The following GYS2 variants were observed in gnomAD, a reference collection of about 807,000 sequenced individuals.
GYS2 encodes glycogen [starch] synthase, liver.
In GYS2, 80 loss-of-function variants were observed where a neutral mutation model predicts 85.6. The ratio of observed to expected loss-of-function variants is 0.93; its 90% CI spans 0.78 to 1.13. The LOEUF is 1.13. GYS2 is among the 50% of genes most tolerant of loss of function. GYS2 has a pLI of 0.00. For missense variants in GYS2, 881 were observed against 854.9 expected, an observed-to-expected ratio of 1.03 and a Z score of -0.38; for synonymous variants, 328 against 300.7, an observed-to-expected ratio of 1.09 and a Z score of -0.94.
chr12:21,537,477 T>C (rs1775519913), intron 15 of GYS2: 1 of 374,368 alleles, frequency 2.7e-6, no homozygotes, highest in African/African-American at 2.1e-5. Context: ...AAATGGAGGG[T>C]TAGAGGGGTC....
chr12:21,559,064 C>T (rs745561285), intron 10 of GYS2, 27 bp downstream of exon 10: 2 of 1,271,420 alleles, frequency 1.6e-6, no homozygotes, highest in East Asian at 4.7e-5. Context: ...AACTATGGGA[C>T]ATAGTGGGTG....
intron 1 of GYS2, among the ~76,000 whole-genome samples, chr12:21,603,744 A>G (rs1169448924): frequency 6.6e-6 from 1 of 152,138 alleles, no homozygotes; most frequent in Non-Finnish European, 1.5e-5. Context: ...CTTTTAAACT[A>G]GAGAGTATAA....
intron 11 of GYS2, among the ~76,000 whole-genome samples, chr12:21,556,151 A>G (rs1944176519): frequency 6.6e-6 from 1 of 151,328 alleles, no homozygotes; most frequent in South Asian, 2.1e-4. Flanking sequence ...ATTTTTCTCT[A>G]CTCATTCAAC....
chr12:21,540,346 C>G, intron 14 of GYS2, 64 bp downstream of exon 14: 1 of 1,263,628 alleles, frequency 7.9e-7, no homozygotes, highest in Admixed American at 1.7e-5. Context: ...TGACTAGAAT[C>G]AATATGTTTA....
intron 1 of GYS2, among the ~76,000 whole-genome samples, chr12:21,583,601 G>A: frequency 6.6e-6 from 1 of 152,168 alleles, no homozygotes; most frequent in East Asian, 1.9e-4. Flanking sequence ...GCATTTGGCA[G>A]GCTGAATCAC....
intron 1 of GYS2, among the ~76,000 whole-genome samples, chr12:21,594,525 G>A (rs1944674475): frequency 6.6e-6 from 1 of 151,716 alleles, no homozygotes; most frequent in South Asian, 2.1e-4. Flanking sequence ...AAATATTTAG[G>A]GATAAATTTA....
chr12:21,561,713 T>G lies in GYS2; in HGVS notation c.1062+1205A>C, dbSNP rs1944255315. Among the ~76,000 whole-genome samples, 9 of 152,218 alleles carry G rather than the reference T, an allele frequency of 5.9e-5. No individual in the cohort carries two copies. In the South Asian group the frequency reaches 1.9e-3, roughly 32 times the overall value. On this transcript the variant is annotated intron_variant, in intron 7 of 15. Transcript: ENST00000261195. ...GTTGTGAGTCCATTATAAAGCTTGT[T>G]GAATGAATATATACTAGGAAATATT... is the stretch of plus-strand genomic sequence containing the variant.
chr12:21,536,948 T>A lies in GYS2; in HGVS notation c.*6A>T, dbSNP rs10431213. On this transcript the variant is annotated 3_prime_UTR_variant, in exon 16 of 16. Transcript: ENST00000261195. ...AAATTAGCTCTTCATGCAGCACATG[T>A]AGAATTCAGTTCTTATATTCACCAT... 617,169 of 1,580,222 alleles carry A rather than the reference T, an allele frequency of 0.39. 126,752 individuals carry two copies. The highest frequency in any genetic ancestry group is 0.55 in the Admixed American group (32,781 of 59,924).
At chr12:21,571,764 G>A (rs539831594) in intron 4 of GYS2, among the ~76,000 whole-genome samples, 11 of 152,028 alleles carry the variant, frequency 7.2e-5, no homozygotes, top group African/African-American at 2.7e-4. Flanking sequence ...AGATCGAGGC[G>A]ATCCTGGCCA....
chr12:21,596,786 A>C (rs1944701665), intron 1 of GYS2, among the ~76,000 whole-genome samples: 1 of 152,180 alleles, frequency 6.6e-6, no homozygotes, highest in Admixed American at 6.6e-5. Context: ...AGGGCATTCA[A>C]ATCAGTAAAG....
chr12:21,575,964 C>G lies in GYS2; in HGVS notation c.397G>C (p.Asp133His). ...SAWNLDRWKG[D>H]LWEACSVGIP... ...CCGACACTGCATGCTTCCCAGAGGT[C>G]ACCCTTCCACCTGTCCAGATTCCAA... The change falls in exon 3 of 16, where the codon GAC (aspartate) becomes CAC (histidine). Residue 133 changes from aspartate to histidine, a missense_variant. By Grantham distance (81) the Asp-to-His change is moderately conservative. Coordinates refer to ENST00000261195, the MANE Select transcript of GYS2 (RefSeq NM_021957.4). 1 of 1,613,782 alleles carries G rather than the reference C, an allele frequency of 6.2e-7. No individual in the cohort carries two copies. Among genetic ancestry groups the G allele is most frequent in the Non-Finnish European group, 8.5e-7 (1 of 1,179,722 alleles).
At chr12:21,602,348 C>A (rs1016665704) in intron 1 of GYS2, among the ~76,000 whole-genome samples, 4 of 152,006 alleles carry the variant, frequency 2.6e-5, no homozygotes, top group Non-Finnish European at 4.4e-5. Context: ...AATACCTCTA[C>A]GAATCAATTT....
intron 3 of GYS2, among the ~76,000 whole-genome samples, chr12:21,575,248 C>T (rs1033379339): frequency 6.6e-6 from 1 of 152,126 alleles, no homozygotes; most frequent in South Asian, 2.1e-4. Flanking sequence ...CACTGAAGAT[C>T]GGGGTCTAAT....
At chr12:21,592,236 A>C (rs951509201) in intron 1 of GYS2, among the ~76,000 whole-genome samples, 40 of 152,042 alleles carry the variant, frequency 2.6e-4, no homozygotes, top group Non-Finnish European at 4.3e-4. Flanking sequence ...AAACTAAAAA[A>C]AAAACAAAAC....
intron 1 of GYS2, among the ~76,000 whole-genome samples, chr12:21,583,509 G>A (rs1944535396): frequency 6.6e-6 from 1 of 152,198 alleles, no homozygotes; most frequent in Non-Finnish European, 1.5e-5. Flanking sequence ...TGCTGTGCAA[G>A]CTGCTATGCC....
intron 15 of GYS2, among the ~76,000 whole-genome samples, chr12:21,538,297 G>A (rs146574149): frequency 7.7e-4 from 117 of 152,198 alleles, no homozygotes; most frequent in African/African-American, 2.7e-3. Context: ...CTGTTCCTCT[G>A]GAAACCTGAT....
chr12:21,598,948 G>T (rs943869392), intron 1 of GYS2, among the ~76,000 whole-genome samples: 1 of 152,092 alleles, frequency 6.6e-6, no homozygotes, highest in Non-Finnish European at 1.5e-5. Context: ...ATATAACAAT[G>T]AGGTGGTTAA....
chr12:21,592,161 A>AAGAAAGAAAGAG (rs1555160488), intron 1 of GYS2, among the ~76,000 whole-genome samples: 1 of 150,552 alleles, frequency 6.6e-6, no homozygotes, highest in South Asian at 2.1e-4. Context: ...GAAAGAAAGA[A>AAGAAAGAAAGAG]AGAGAGAGAG....
intron 1 of GYS2, among the ~76,000 whole-genome samples, chr12:21,591,581 A>G (rs1320370750): frequency 6.6e-6 from 1 of 152,222 alleles, no homozygotes; most frequent in Non-Finnish European, 1.5e-5. Context: ...GTAACAACAC[A>G]ATAGCTGAAA....
Sources: gnomAD v4.1 joint callset for allele counts (sites outside exome capture counted in the v4.1 genomes callset) on GRCh38, gnomAD v4.1.1 for gene constraint, MANE v1.5 for transcripts, NCBI Gene and HGNC (gene_info 2026-07-23, HGNC 2026-07-21) for gene names.